HTR1F: variants seen among roughly 807,000 people sequenced by gnomAD.
HTR1F encodes the protein 5-hydroxytryptamine receptor 1F.
A neutral mutation model predicts 24.0 loss-of-function variants in HTR1F; 17 were observed. The observed-to-expected ratio is 0.71, with a 90% CI of 0.48 to 1.06. The LOEUF is 1.06. Among genes scored for constraint, HTR1F ranks in the 50% least tolerant of loss-of-function variants. The probability of loss-of-function intolerance (pLI) is 0.00; values close to 1 mark genes in which losing one functional copy is unlikely to be tolerated. For synonymous variants in HTR1F, 186 were observed against 156.8 expected (o/e 1.19, Z -1.39); for missense variants, 391 against 427.8 (o/e 0.91, Z 0.76).
intron 1 of HTR1F, among the ~76,000 whole-genome samples, chr3:87,816,782 A>G (rs1168125048): frequency 1.3e-5 from 2 of 152,148 alleles, no homozygotes; most frequent in Non-Finnish European, 2.9e-5. Flanking sequence ...TAAGGTTAAC[A>G]GAATCAGTAA....
chr3:87,797,507 C>T (rs1703924978), intron 1 of HTR1F, among the ~76,000 whole-genome samples: 1 of 151,848 alleles, frequency 6.6e-6, no homozygotes. Context: ...AAACAGTAGA[C>T]AATAGTAGTT....
chr3:87,952,282 C>A (rs1238808849), intron 2 of HTR1F, among the ~76,000 whole-genome samples: 3 of 151,894 alleles, frequency 2.0e-5, no homozygotes, highest in East Asian at 3.9e-4. Context: ...ATAATTAGAC[C>A]TTTTTAATAT....
At chr3:87,904,667 C>G (rs1389037377) in intron 2 of HTR1F, among the ~76,000 whole-genome samples, 1 of 152,002 alleles carries the variant, frequency 6.6e-6, no homozygotes, top group Non-Finnish European at 1.5e-5. Context: ...GAAGTAGAAG[C>G]ACTAACTACT....
intron 2 of HTR1F, among the ~76,000 whole-genome samples, chr3:87,962,319 T>C (rs1705079421): frequency 6.6e-6 from 1 of 152,104 alleles, no homozygotes; most frequent in African/African-American, 2.4e-5. Context: ...AAATAAAGAT[T>C]GACAGTGTGA....
intron 2 of HTR1F, among the ~76,000 whole-genome samples, chr3:87,885,051 CCA>C (rs987847436): frequency 6.6e-6 from 1 of 152,136 alleles, no homozygotes; most frequent in African/African-American, 2.4e-5. Flanking sequence ...CTCCTCAGCA[CCA>C]CATCACACTT....
At chr3:87,953,904 G>A (rs1305329761) in intron 2 of HTR1F, among the ~76,000 whole-genome samples, 1 of 151,728 alleles carries the variant, frequency 6.6e-6, no homozygotes, top group East Asian at 1.9e-4. Flanking sequence ...GAAAATAGCG[G>A]TCATTATGGT....
At chr3:87,816,129 A>G (rs755662725) in intron 1 of HTR1F, among the ~76,000 whole-genome samples, 10 of 152,072 alleles carry the variant, frequency 6.6e-5, no homozygotes, top group Non-Finnish European at 1.0e-4. Context: ...GGCTTAATTG[A>G]GTGGCTAAAT....
chr3:87,793,709 A>AGAG (rs1703855273), intron 1 of HTR1F: 1 of 152,184 alleles, frequency 6.6e-6, no homozygotes, highest in Non-Finnish European at 1.5e-5. Context: ...TTTGCATGAA[A>AGAG]GAGGTGGCCA....
intron 2 of HTR1F, among the ~76,000 whole-genome samples, chr3:87,856,938 TGAC>T (rs1246107822): frequency 6.6e-6 from 1 of 152,106 alleles, no homozygotes; most frequent in Non-Finnish European, 1.5e-5. Flanking sequence ...TTAGCAAAAA[TGAC>T]GTGTACCAGC....
intron 2 of HTR1F, among the ~76,000 whole-genome samples, chr3:87,912,287 G>A (rs1435851297): frequency 6.0e-4 from 91 of 151,336 alleles, no homozygotes; most frequent in South Asian, 2.1e-4. Context: ...CAGCCAAGAC[G>A]AAAGTCAAAT....
At chr3:87,835,531 G>A (rs1704666843) in intron 2 of HTR1F, among the ~76,000 whole-genome samples, 1 of 152,190 alleles carries the variant, frequency 6.6e-6, no homozygotes, top group Admixed American at 6.5e-5. Flanking sequence ...ATGCCATGTA[G>A]TTGATGATAT....
intron 2 of HTR1F, among the ~76,000 whole-genome samples, chr3:87,976,595 G>C (rs1450533029): frequency 6.6e-6 from 1 of 151,982 alleles, no homozygotes; most frequent in Non-Finnish European, 1.5e-5. Context: ...CACACCCTAA[G>C]CATGTTATAT....
chr3:87,972,623 A>G lies in HTR1F; in HGVS notation c.-42-18085A>G, dbSNP rs551981947. 1.8e-3 allele frequency among the ~76,000 whole-genome samples: 276 copies of G among 152,216 alleles called. 3 individuals are homozygous for G. Among genetic ancestry groups the G allele is most frequent in the Non-Finnish European group, 3.3e-3 (225 of 68,018 alleles). ...ACTTATTACTTTCCCCTGACCCTAT[A>G]TTCTTTTCAATCCCTTCTAAACCTC... On this transcript the variant is annotated intron_variant, in intron 2 of 2. Transcript: ENST00000319595.
rs1342644353 is a variant in HTR1F at position 87,929,108 on chromosome 3, A to C, written c.-42-61600A>C. Among the ~76,000 whole-genome samples, 5 of 152,346 alleles carry C rather than the reference A, an allele frequency of 3.3e-5. No homozygotes were observed. The South Asian group carries it at 1.0e-3, about 32-fold the overall frequency. ...TGATGAGTAAGAAATTAAGTCTAAC[A>C]GGAATTAGCTATTGTCTGGAAACAA... On this transcript the variant is annotated intron_variant, in intron 2 of 2. Transcript: ENST00000319595.
intron 2 of HTR1F, among the ~76,000 whole-genome samples, chr3:87,973,669 G>A (rs1266162134): frequency 6.6e-6 from 1 of 152,102 alleles, no homozygotes; most frequent in Non-Finnish European, 1.5e-5. Flanking sequence ...CGCCTGTCCA[G>A]TGAGAAAATA....
intron 2 of HTR1F, among the ~76,000 whole-genome samples, chr3:87,935,400 AG>A (rs1704387769): frequency 6.6e-6 from 1 of 152,140 alleles, no homozygotes; most frequent in Admixed American, 6.5e-5. Flanking sequence ...AAAGGAGAGC[AG>A]GCAACTTTTT....
chr3:87,875,074 GC>G (rs1265865816), intron 2 of HTR1F, among the ~76,000 whole-genome samples: 1 of 152,160 alleles, frequency 6.6e-6, no homozygotes, highest in Non-Finnish European at 1.5e-5. Context: ...ATTGGTCTGG[GC>G]AATAATTTTT....
intron 1 of HTR1F, among the ~76,000 whole-genome samples, chr3:87,795,286 C>T (rs887156433): frequency 2.6e-5 from 4 of 152,128 alleles, no homozygotes; most frequent in Non-Finnish European, 5.9e-5. Flanking sequence ...GCCCGGCCAA[C>T]TTACTTCTTA....
chr3:87,894,174 C>T (rs1706147851), intron 2 of HTR1F, among the ~76,000 whole-genome samples: 1 of 152,108 alleles, frequency 6.6e-6, no homozygotes, highest in African/African-American at 2.4e-5. Flanking sequence ...ATCCCTCATC[C>T]TCTTCCCACC....
Sources: allele counts gnomAD v4.1 joint callset (sites outside exome capture counted in the v4.1 genomes callset), GRCh38; gene constraint gnomAD v4.1.1; transcripts MANE v1.5; gene names NCBI Gene and HGNC (gene_info 2026-07-23, HGNC 2026-07-21).